GSG1L: variants seen among roughly 807,000 people sequenced by gnomAD.
The protein encoded by GSG1L is germ cell-specific gene 1-like protein.
GSG1L carries 24 observed loss-of-function variants against 42.1 expected under a neutral mutation model. The observed-to-expected ratio is 0.57, with a 90% CI of 0.41 to 0.80. The LOEUF (loss-of-function observed/expected upper bound fraction) is 0.80, where lower values mean the gene tolerates loss of function less well. GSG1L is among the 30% of genes least tolerant of loss of function. The probability of loss-of-function intolerance (pLI) is 0.00; values close to 1 mark genes in which losing one functional copy is unlikely to be tolerated. For missense variants in GSG1L, 445 were observed against 472.2 expected, an observed-to-expected ratio of 0.94 and a Z score of 0.53; for synonymous variants, 215 against 203.5, an observed-to-expected ratio of 1.06 and a Z score of -0.48.
At chr16:27,820,277 G>A (rs773399991) in intron 5 of GSG1L, among the ~76,000 whole-genome samples, 1 of 152,218 alleles carries the variant, frequency 6.6e-6, no homozygotes, top group African/African-American at 2.4e-5. Context: ...CATGGAGGAT[G>A]AGGAGCTGCA....
At chr16:27,812,408 GC>G (rs2083041647) in intron 5 of GSG1L, among the ~76,000 whole-genome samples, 1 of 152,230 alleles carries the variant, frequency 6.6e-6, no homozygotes. Context: ...AATATGTGAG[GC>G]TTTGCAAGCC....
chr16:27,838,540 G>A (rs1200664337), intron 4 of GSG1L, among the ~76,000 whole-genome samples: 1 of 152,176 alleles, frequency 6.6e-6, no homozygotes, highest in African/African-American at 2.4e-5. Flanking sequence ...GACAGGGGTT[G>A]TCAATTCTTC....
intron 2 of GSG1L, among the ~76,000 whole-genome samples, chr16:27,937,433 G>T (rs1371192822): frequency 9.1e-6 from 1 of 110,106 alleles, no homozygotes; most frequent in African/African-American, 3.6e-5. Context: ...GTACAGACAG[G>T]GTTTCACCAT....
intron 5 of GSG1L, among the ~76,000 whole-genome samples, chr16:27,813,897 A>G (rs757585503): frequency 3.9e-5 from 6 of 152,158 alleles, no homozygotes; most frequent in Admixed American, 1.3e-4. Flanking sequence ...TGTGCAGCTC[A>G]CTGGGCCGCT....
At chr16:27,977,440 T>C (rs2085263085) in intron 1 of GSG1L, among the ~76,000 whole-genome samples, 2 of 151,554 alleles carry the variant, frequency 1.3e-5, no homozygotes, top group Admixed American at 6.6e-5. Context: ...GGCGTGGCAG[T>C]GTGCACCTGT....
intron 5 of GSG1L, among the ~76,000 whole-genome samples, chr16:27,819,283 C>T (rs1045438973): frequency 6.6e-6 from 1 of 151,888 alleles, no homozygotes; most frequent in Admixed American, 6.6e-5. Flanking sequence ...GATATTAACA[C>T]CTTGAAGTTA....
chr16:27,978,252 T>C lies in GSG1L; in HGVS notation c.350-15049A>G, dbSNP rs2085273050. On this transcript the variant is annotated intron_variant, in intron 1 of 6. Transcript: ENST00000447459. The stretch of plus-strand genomic sequence containing the variant: ...GGAATTCCACCCCCAGATCTCCTCC[T>C]GTAGGTCTGGTTTAATTGAGAAAGA... Among the ~76,000 whole-genome samples, 3 of 152,164 alleles carry C rather than the reference T, an allele frequency of 2.0e-5. No individual in the cohort carries two copies. In the South Asian group the frequency reaches 6.2e-4, roughly 32 times the overall value.
chr16:27,915,520 C>T (rs1018284167), intron 2 of GSG1L, among the ~76,000 whole-genome samples: 8 of 152,334 alleles, frequency 5.3e-5, no homozygotes, highest in African/African-American at 1.9e-4. Flanking sequence ...GTCGTTCATT[C>T]ACTCACTCAA....
intron 5 of GSG1L, among the ~76,000 whole-genome samples, chr16:27,814,513 T>C (rs545061089): frequency 6.6e-6 from 1 of 151,890 alleles, no homozygotes; most frequent in East Asian, 1.9e-4. Context: ...GTATTGTAAA[T>C]AATGCAAGAA....
chr16:28,001,201 T>C (rs1488823574), intron 1 of GSG1L, among the ~76,000 whole-genome samples: 3 of 152,202 alleles, frequency 2.0e-5, no homozygotes, highest in East Asian at 3.9e-4. Flanking sequence ...CTGGACTTTA[T>C]CTGTCCATGC....
chr16:27,850,423 G>A (rs1246500884), intron 3 of GSG1L: 3 of 440,204 alleles, frequency 6.8e-6, no homozygotes, highest in East Asian at 7.1e-5. Flanking sequence ...AGACTTAAAT[G>A]CGTGAATCAT....
At chr16:27,832,489 CT>C (rs1264873072) in intron 4 of GSG1L, among the ~76,000 whole-genome samples, 1 of 152,246 alleles carries the variant, frequency 6.6e-6, no homozygotes, top group Middle Eastern at 3.4e-3. Context: ...ATGGGATTGG[CT>C]TTTTTTCACC....
chr16:28,035,991 T>G lies in GSG1L; in HGVS notation c.349+27085A>C, dbSNP rs560271459. 2.6e-5 allele frequency among the ~76,000 whole-genome samples: 4 copies of G among 152,218 alleles called. No homozygotes were observed. The East Asian group carries it at 7.7e-4, about 29-fold the overall frequency. ...TTGAGTGGGCCCCTTTATTTAGAAT[T>G]AGCCCAAGAGTGAGGCAGGAGTGGG... is the stretch of plus-strand genomic sequence containing the variant. On this transcript the variant is annotated intron_variant, in intron 1 of 6. Coordinates refer to ENST00000447459, the MANE Select transcript of GSG1L (RefSeq NM_001109763.2).
At position 28,063,036 on chromosome 16, in the gene GSG1L, G is replaced by A; in HGVS notation, c.349+40C>T. On this transcript the variant is annotated intron_variant, in intron 1 of 6. Coordinates refer to ENST00000447459, the MANE Select transcript of GSG1L (RefSeq NM_001109763.2). This position sits in a 1 kb window ranked among gnomAD's most constrained non-coding sequence, Gnocchi z 5.8. Reference sequence around the variant, plus strand: ...GCCTCGATGGCCGCGCCGCCCCGGGGGAGCCGGAGCCGAGCTGGCCGCCGC... The same window carrying A: ...GCCTCGATGGCCGCGCCGCCCCGGGAGAGCCGGAGCCGAGCTGGCCGCCGC... The A allele has an allele frequency of 7.3e-7, 1 of 1,360,918 alleles. No homozygotes were observed. The highest frequency in any genetic ancestry group is 9.5e-7 in the Non-Finnish European group (1 of 1,053,324). 84.3% of individuals were successfully genotyped at this position (1,360,918 alleles called of 1,614,324 possible).
At chr16:27,834,369 C>T (rs577426718) in intron 4 of GSG1L, among the ~76,000 whole-genome samples, 20 of 151,862 alleles carry the variant, frequency 1.3e-4, no homozygotes, top group African/African-American at 4.6e-4. Flanking sequence ...ATTTTTGCAT[C>T]TATATTCATG....
intron 3 of GSG1L, among the ~76,000 whole-genome samples, chr16:27,849,861 G>A (rs1041268157): frequency 2.0e-5 from 3 of 150,668 alleles, no homozygotes; most frequent in Admixed American, 6.6e-5. Flanking sequence ...AATAGGACTC[G>A]CTGTTGGGCT....
At chr16:27,913,124 A>G (rs1272901456) in intron 2 of GSG1L, among the ~76,000 whole-genome samples, 1 of 152,128 alleles carries the variant, frequency 6.6e-6, no homozygotes, top group Non-Finnish European at 1.5e-5. Context: ...CGCCTGGCCA[A>G]TGTGGAGGAA....
chr16:27,996,647 G>A (rs938903818), intron 1 of GSG1L, among the ~76,000 whole-genome samples: 10 of 152,334 alleles, frequency 6.6e-5, no homozygotes, highest in Middle Eastern at 3.4e-3. Context: ...TGGCCCTTTT[G>A]TCTAGTGTGG....
chr16:27,931,610 A>G (rs1214300309), intron 2 of GSG1L, among the ~76,000 whole-genome samples: 4 of 152,256 alleles, frequency 2.6e-5, no homozygotes, highest in Non-Finnish European at 5.9e-5. Flanking sequence ...AACTTTAAGC[A>G]GTGCAAATTC....
Sources: allele counts gnomAD v4.1 joint callset (sites outside exome capture counted in the v4.1 genomes callset), GRCh38; gene constraint gnomAD v4.1.1; non-coding constraint Gnocchi (gnomAD v3.1); transcripts MANE v1.5; gene names NCBI Gene and HGNC (gene_info 2026-07-23, HGNC 2026-07-21).